Variants in ABCA5 observed in about 807,000 individuals in gnomAD.
The protein encoded by ABCA5 is ATP binding cassette subfamily A member 5, also known as cholesterol transporter ABCA5.
A neutral mutation model predicts 206.0 loss-of-function variants in ABCA5; 163 were observed. The ratio of observed to expected loss-of-function variants is 0.79; its 90% CI spans 0.70 to 0.90. ABCA5 has a LOEUF of 0.90. ABCA5 is among the 40% of genes least tolerant of loss of function. ABCA5 has a pLI of 0.00. For missense variants in ABCA5, 1,859 were observed against 1,912.9 expected, an observed-to-expected ratio of 0.97 and a Z score of 0.53; for synonymous variants, 609 against 613.8, an observed-to-expected ratio of 0.99 and a Z score of 0.11.
chr17:69,263,697 CT>C (rs58369537), intron 24 of ABCA5, among the ~76,000 whole-genome samples: 12 of 103,670 alleles, frequency 1.2e-4, no homozygotes, highest in East Asian at 5.9e-4. Flanking sequence ...ACATGGATTC[CT>C]TTTTTTTTTT....
rs1408518000 is a variant in ABCA5 at position 69,245,309 on chromosome 17, T to C, written c.*2228A>G. On this transcript the variant is annotated 3_prime_UTR_variant, in exon 39 of 39. Coordinates refer to ENST00000392676, the MANE Select transcript of ABCA5 (RefSeq NM_172232.4). The stretch of plus-strand genomic sequence containing the variant: ...TTACTTTCCTTTGAAAATTTGACCA[T>C]GAATGGGAAATATAAGGTTGGTGAT... 1 of 151,930 alleles carries C rather than the reference T, an allele frequency of 6.6e-6. No homozygotes were observed. Among genetic ancestry groups the C allele is most frequent in the Non-Finnish European group, 1.5e-5 (1 of 67,840 alleles). 9.4% of individuals were successfully genotyped at this position (151,930 alleles called of 1,614,324 possible).
intron 6 of ABCA5, among the ~76,000 whole-genome samples, chr17:69,306,498 G>A (rs963071874): frequency 3.9e-5 from 6 of 151,942 alleles, no homozygotes; most frequent in South Asian, 4.1e-4. Context: ...ATTTAAACAC[G>A]TATTGTCAAC....
intron 24 of ABCA5, among the ~76,000 whole-genome samples, 166 bp downstream of exon 24, chr17:69,264,569 C>T (rs1209677307): frequency 6.6e-6 from 1 of 152,142 alleles, no homozygotes; most frequent in African/African-American, 2.4e-5. Context: ...TTAAAAGTCA[C>T]TTATCATATA....
At chr17:69,303,778 A>AT in intron 7 of ABCA5, among the ~76,000 whole-genome samples, 1 of 13,704 alleles carries the variant, frequency 7.3e-5, no homozygotes, top group African/African-American at 9.7e-5. Flanking sequence ...AAAAAAAAAA[A>AT]AAAAAAAATA....
At chr17:69,267,609 C>T (rs953153464) in intron 23 of ABCA5, among the ~76,000 whole-genome samples, 4 of 152,098 alleles carry the variant, frequency 2.6e-5, no homozygotes, top group Admixed American at 1.3e-4. Flanking sequence ...ACAGTCACTT[C>T]CCAAATCCAC....
At position 69,289,949 on chromosome 17, in the gene ABCA5, A is replaced by G; in HGVS notation, c.1695T>C (p.Asp565=). 1 of 1,612,538 alleles carries G rather than the reference A, an allele frequency of 6.2e-7. No individual in the cohort carries two copies. The highest frequency in any genetic ancestry group is 8.5e-7 in the Non-Finnish European group (1 of 1,179,346). ...CTACTGTCAAAACATCAAAGTGTATATCTAACTGTGGACAAATGCCAATCA... is the reference window on the plus strand; with the variant it reads ...CTACTGTCAAAACATCAAAGTGTATGTCTAACTGTGGACAAATGCCAATCA... ...RKMIGICPQL[D]IHFDVLTVEE... The change falls in exon 13 of 39, where the codon GAT becomes GAC. Residue 565 remains aspartate, a synonymous_variant. Transcript: ENST00000392676.
intron 11 of ABCA5, 80 bp from the exon 12 acceptor site, chr17:69,291,406 A>C (rs2075525253): frequency 1.2e-6 from 1 of 841,778 alleles, no homozygotes; most frequent in South Asian, 1.8e-5. Flanking sequence ...TATTTGAGCA[A>C]TCTTCAAGGC....
intron 18 of ABCA5, among the ~76,000 whole-genome samples, chr17:69,279,684 G>C (rs914795399): frequency 2.6e-5 from 4 of 151,946 alleles, no homozygotes; most frequent in African/African-American, 9.7e-5. Context: ...CCAAAACAGA[G>C]ATATAGATCA....
rs1437472157 is a variant in ABCA5, at chr17:69,247,343, C to A, written c.*194G>T. The A allele has an allele frequency of 2.0e-6, 1 of 493,120 alleles. No individual in the cohort carries two copies. The highest frequency in any genetic ancestry group is 2.0e-5 in the African/African-American group (1 of 50,006). The allele number at this position is 493,120 out of a possible 1,614,324, so 30.5% of individuals were successfully genotyped here. On this transcript the variant is annotated 3_prime_UTR_variant, in exon 39 of 39. Transcript: ENST00000392676. ...ATACTTCAATACAAACATGCAGCTT[C>A]ACTTAATTATACATACGTTTTATTT...
chr17:69,275,622 G>A (rs2075323218), intron 19 of ABCA5, among the ~76,000 whole-genome samples: 1 of 152,178 alleles, frequency 6.6e-6, no homozygotes, highest in Admixed American at 6.5e-5. Flanking sequence ...AACATCTCAT[G>A]TTTTTTATGC....
chr17:69,306,645 T>C (rs2075719586), intron 6 of ABCA5, 80 bp downstream of exon 6: 1 of 670,154 alleles, frequency 1.5e-6, no homozygotes, highest in African/African-American at 1.9e-5. Context: ...GTTAGGTAAA[T>C]ATCAAAATTA....
At chr17:69,269,323 A>G (rs956062283) in intron 22 of ABCA5, among the ~76,000 whole-genome samples, 1 of 152,232 alleles carries the variant, frequency 6.6e-6, no homozygotes, top group Non-Finnish European at 1.5e-5. Context: ...GTGTCTTAAA[A>G]GTTTTACTAA....
Position 69,261,620 on chromosome 17 carries a change from TA to T in ABCA5, c.3429+14del. The T allele has an allele frequency of 8.8e-7, 1 of 1,136,786 alleles. No individual in the cohort carries two copies. The highest frequency in any genetic ancestry group is 1.3e-6 in the Non-Finnish European group (1 of 793,906). 70.4% of individuals were successfully genotyped at this position (1,136,786 alleles called of 1,614,324 possible). A position where few individuals can be genotyped will look rare whatever the true frequency, so the allele number is the denominator to read the frequency against. ...ACTGCTATGGAAAGTTGAAATAATG[TA>T]AAATGTGACTTACCACAGAATAGAT... On this transcript the variant is annotated intron_variant, in intron 25 of 38. Coordinates refer to ENST00000392676, the MANE Select transcript of ABCA5 (RefSeq NM_172232.4).
At position 69,306,924 on chromosome 17, in the gene ABCA5, G is replaced by A. The variant is rs1419058578; in HGVS notation, c.589C>T (p.Leu197=). The A allele has an allele frequency of 1.9e-6, 3 of 1,566,382 alleles. No homozygotes were observed. Among genetic ancestry groups the A allele is most frequent in the South Asian group, 2.4e-5 (2 of 82,180 alleles). ...LKTNVSLWKE[L]ESTKAVIMGE... Reference sequence around the variant, plus strand: ...ATAATAACAGCTTTAGTTGACTCCAGCTCCTTCCAAAGAGAAACATTGGTC... The same window carrying A: ...ATAATAACAGCTTTAGTTGACTCCAACTCCTTCCAAAGAGAAACATTGGTC... The change falls in exon 6 of 39, where the codon CTG becomes TTG. Residue 197 remains leucine (L), a synonymous_variant. Coordinates refer to ENST00000392676, the MANE Select transcript of ABCA5 (RefSeq NM_172232.4).
chr17:69,288,650 CT>C (rs1056183983), intron 14 of ABCA5, among the ~76,000 whole-genome samples: 4 of 151,014 alleles, frequency 2.6e-5, no homozygotes, highest in Admixed American at 2.6e-4. Context: ...GGGAGGATCG[CT>C]TGAGGCCAGT....
Position 69,309,330 on chromosome 17 carries a change from G to A in ABCA5, c.401C>T (p.Ser134Phe). The change falls in exon 4 of 39, where the codon TCC becomes TTC. Residue 134 changes from serine to phenylalanine, a missense_variant. Transcript: ENST00000392676. Reference protein sequence around the residue: ...SNFVGVVFKDSMSYELRFFPD... With the variant: ...SNFVGVVFKDFMSYELRFFPD... ...AAAAAAACGAAGTTCATAGGACATGGAGTCTTTGAAAACCACACCTACAAA... is the reference window on the plus strand; with the variant it reads ...AAAAAAACGAAGTTCATAGGACATGAAGTCTTTGAAAACCACACCTACAAA... 6.2e-7 allele frequency: 1 copy of A among 1,607,088 alleles called. No homozygotes were observed. Among genetic ancestry groups the A allele is most frequent in the Non-Finnish European group, 8.5e-7 (1 of 1,177,976 alleles).
chr17:69,294,128 G>T (rs565985191), intron 11 of ABCA5, among the ~76,000 whole-genome samples: 1 of 152,188 alleles, frequency 6.6e-6, no homozygotes, highest in East Asian at 1.9e-4. Context: ...TCAAATAATT[G>T]AGTATTTTTC....
chr17:69,297,443 CA>C, intron 9 of ABCA5, 84 bp from the exon 10 acceptor site: 1 of 1,269,622 alleles, frequency 7.9e-7, no homozygotes, highest in Non-Finnish European at 1.1e-6. Flanking sequence ...TGACAACCTG[CA>C]TCTAAAGTTT....
intron 31 of ABCA5, 98 bp downstream of exon 31, chr17:69,255,445 T>C (rs1430945248): frequency 9.6e-6 from 7 of 731,538 alleles, no homozygotes; most frequent in Non-Finnish European, 1.4e-5. Flanking sequence ...AAAATATACA[T>C]AAAAATTGAA....
Sources: gnomAD v4.1 joint callset for allele counts (sites outside exome capture counted in the v4.1 genomes callset) on GRCh38, gnomAD v4.1.1 for gene constraint, MANE v1.5 for transcripts, NCBI Gene and HGNC (gene_info 2026-07-23, HGNC 2026-07-21) for gene names.